Variants in TRMT44 observed in about 807,000 individuals in gnomAD.
TRMT44 encodes tRNA methyltransferase 44 homolog.
TRMT44 carries 78 observed loss-of-function variants against 77.3 expected under a neutral mutation model. That is an observed-to-expected ratio of 1.01 (90% CI 0.84 to 1.22). The LOEUF (loss-of-function observed/expected upper bound fraction) is 1.22, where lower values mean the gene tolerates loss of function less well. Ranked by LOEUF, TRMT44 falls within the 50% of genes most tolerant of loss-of-function variation. The pLI is 0.00. For synonymous variants in TRMT44, 391 were observed against 383.3 expected, an observed-to-expected ratio of 1.02 and a Z score of -0.23; for missense variants, 1,090 against 964.4, an observed-to-expected ratio of 1.13 and a Z score of -1.73.
chr4:8,515,784 C>G, the TRMT44 span, among the ~76,000 whole-genome samples: 1 of 152,248 alleles, frequency 6.6e-6, no homozygotes, highest in Non-Finnish European at 1.5e-5. Flanking sequence ...CTCAAACGTT[C>G]CCTCCCCAGT....
intron 9 of TRMT44, among the ~76,000 whole-genome samples, chr4:8,469,650 C>T (rs1356942790): frequency 6.6e-6 from 1 of 152,214 alleles, no homozygotes. Context: ...TCAGTCCTGC[C>T]TGCGCCTTGG....
chr4:8,476,650 C>T (rs1427602217), downstream of TRMT44: 3 of 152,476 alleles, frequency 2.0e-5, no homozygotes, highest in African/African-American at 4.8e-5. Context: ...AAGGTAAGAC[C>T]TACACCTTCC....
At chr4:8,450,783 C>G (rs1284179709) in intron 3 of TRMT44, among the ~76,000 whole-genome samples, 1 of 143,072 alleles carries the variant, frequency 7.0e-6, no homozygotes, top group Non-Finnish European at 1.5e-5. Context: ...CACAATTTGT[C>G]ATTTCCATGT....
At chr4:8,467,681 A>G (rs945455360) in intron 8 of TRMT44, among the ~76,000 whole-genome samples, 25 of 152,178 alleles carry the variant, frequency 1.6e-4, no homozygotes, top group African/African-American at 5.6e-4. Context: ...GGATTTTGCC[A>G]TGTTGGCCAG....
chr4:8,457,029 C>A (rs1026639562), intron 6 of TRMT44, among the ~76,000 whole-genome samples: 8 of 106,794 alleles, frequency 7.5e-5, no homozygotes, highest in African/African-American at 2.7e-4. Context: ...CCCCCCCCCC[C>A]AACTATCTCT....
chr4:8,468,071 C>T lies in TRMT44; in HGVS notation c.1652C>T (p.Ala551Val), dbSNP rs572067146. 2 of 1,613,952 alleles carry T rather than the reference C, an allele frequency of 1.2e-6. No homozygotes were observed. The highest frequency in any genetic ancestry group is 1.1e-5 in the South Asian group (1 of 91,072). The change falls in exon 9 of 11, where the codon GCT (alanine) becomes GTT (valine). Residue 551 changes from alanine to valine, a missense_variant. Ala to Val is a moderately conservative substitution (Grantham distance 64). Transcript: ENST00000389737. ...CCACGCTGGGTTGCTGCTGGCAGTG[C>T]TGGTCACTGTGACGGTCAGCAAGCT... The part of the protein sequence containing the change: ...PSPRWVAAGS[A>V]GHCDGQQALD...
intron 2 of TRMT44, among the ~76,000 whole-genome samples, chr4:8,489,957 G>A (rs896576502): frequency 1.3e-5 from 2 of 152,172 alleles, no homozygotes; most frequent in African/African-American, 2.4e-5. Context: ...CCTGAAAATA[G>A]CATCACTATT....
At chr4:8,465,352 C>T (rs373286924) in intron 7 of TRMT44, 26 bp from the exon 8 acceptor site, 2 of 1,594,566 alleles carry the variant, frequency 1.3e-6, no homozygotes, top group South Asian at 1.1e-5. Flanking sequence ...GATGCTTGAC[C>T]CTGTGGTTGT....
At chr4:8,488,802 C>A (rs1380402372) in intron 2 of TRMT44, among the ~76,000 whole-genome samples, 1 of 152,174 alleles carries the variant, frequency 6.6e-6, no homozygotes, top group Non-Finnish European at 1.5e-5. Context: ...TCAGCTGAAG[C>A]TATAGCCCAG....
At chr4:8,504,155 A>G in the TRMT44 span, among the ~76,000 whole-genome samples, 2 of 152,032 alleles carry the variant, frequency 1.3e-5, no homozygotes, top group African/African-American at 4.8e-5. The surrounding 1 kb of genome is among the most constrained non-coding windows in gnomAD (Gnocchi z 5.3). Flanking sequence ...TCTGCACTGC[A>G]TGGAATGGAC....
Position 8,440,871 on chromosome 4 carries a change from C to A in TRMT44, c.49C>A (p.Pro17Thr), listed in dbSNP as rs755237936. ...GATCAGCTACCCAGGCGCGCTTCTC[C>A]CACAGGGCTTCTGGGCTGCGGTCGA... ...TGISYPGALL[P>T]QGFWAAVEVW... is the part of the protein sequence containing the mutation. The change falls in exon 1 of 11, where the codon CCA (proline) becomes ACA (threonine). Residue 17 changes from proline (P) to threonine (T), a missense_variant. By Grantham distance (38) the Pro-to-Thr change is conservative. Transcript: ENST00000389737. The A allele has an allele frequency of 1.3e-6, 2 of 1,524,268 alleles. No homozygotes were observed. Among genetic ancestry groups the A allele is most frequent in the South Asian group, 2.4e-5 (2 of 82,436 alleles). 94.4% of individuals were successfully genotyped at this position (1,524,268 alleles called of 1,614,324 possible). A position where few individuals can be genotyped will look rare whatever the true frequency, so the allele number is the denominator to read the frequency against.
At position 8,475,770 on chromosome 4, in the gene TRMT44, A is replaced by G. The variant is rs1239418880; in HGVS notation, c.2045-2A>G. On this transcript the variant is annotated splice_acceptor_variant, in intron 10 of 10. Transcript: ENST00000389737. LOFTEE classifies it high-confidence loss of function. ...GTGTGTCTTCTCTGTTCCAAACCAC[A>G]GTTGTGAATGGGAGAGTTCACATCC... is the stretch of plus-strand genomic sequence containing the variant. 1.2e-6 allele frequency: 2 copies of G among 1,613,818 alleles called. No individual in the cohort carries two copies. The highest frequency in any genetic ancestry group is 2.7e-5 in the African/African-American group (2 of 74,936).
chr4:8,501,582 G>T, the TRMT44 span, among the ~76,000 whole-genome samples: 1 of 152,204 alleles, frequency 6.6e-6, no homozygotes, highest in African/African-American at 2.4e-5. This position sits in a 1 kb window ranked among gnomAD's most constrained non-coding sequence, Gnocchi z 4.4. Flanking sequence ...CTCAGTGAGG[G>T]TTAGCGATTT....
intron 1 of TRMT44, among the ~76,000 whole-genome samples, chr4:8,445,841 A>G (rs1725022609): frequency 6.6e-6 from 1 of 151,740 alleles, no homozygotes; most frequent in South Asian, 2.1e-4. Context: ...AGAGTTTGCA[A>G]TTTTTTTTTA....
downstream of TRMT44, among the ~76,000 whole-genome samples, chr4:8,480,945 TG>T (rs1364086685): frequency 3.9e-5 from 6 of 152,338 alleles, no homozygotes. Flanking sequence ...CTGTTTTGTG[TG>T]GGGGAAAATT....
chr4:8,486,693 A>T (rs1052391596), intron 2 of TRMT44, among the ~76,000 whole-genome samples: 1 of 152,122 alleles, frequency 6.6e-6, no homozygotes, highest in African/African-American at 2.4e-5. Flanking sequence ...CTGATTTGGG[A>T]TAAAGAAAAA....
chr4:8,473,432 C>G (rs569737032), intron 10 of TRMT44: 1 of 152,388 alleles, frequency 6.6e-6, no homozygotes, highest in Non-Finnish European at 1.5e-5. Context: ...TGCGCCGGCC[C>G]GATGTCTCCC....
chr4:8,489,179 G>T (rs573500245), intron 2 of TRMT44, among the ~76,000 whole-genome samples: 1 of 152,204 alleles, frequency 6.6e-6, no homozygotes, highest in African/African-American at 2.4e-5. Context: ...TCACTGTTTC[G>T]CTTGAAGGCC....
chr4:8,509,759 G>A, the TRMT44 span: 1 of 152,554 alleles, frequency 6.6e-6, no homozygotes, highest in Admixed American at 6.5e-5. Flanking sequence ...TGCGTCCAGC[G>A]ACCCCATCTC....
Sources: gnomAD v4.1 joint callset for allele counts (sites outside exome capture counted in the v4.1 genomes callset) on GRCh38, gnomAD v4.1.1 for gene constraint, Gnocchi (gnomAD v3.1) non-coding constraint, MANE v1.5 for transcripts, NCBI Gene and HGNC (gene_info 2026-07-23, HGNC 2026-07-21) for gene names.